AKAIN1: variants seen among roughly 807,000 people sequenced by gnomAD.
The protein encoded by AKAIN1 is A-kinase anchor protein inhibitor 1.
In AKAIN1, 3 loss-of-function variants were observed where a neutral mutation model predicts 3.7. The ratio of observed to expected loss-of-function variants is 0.82; its 90% CI spans 0.37 to 2.12. The LOEUF is 2.12. AKAIN1 is among the 30% of genes most tolerant of loss of function. The pLI is 0.06. For missense variants in AKAIN1, 82 were observed against 82.7 expected (o/e 0.99, Z 0.03); for synonymous variants, 31 against 30.8 (o/e 1.01, Z -0.02).
At chr18:5,195,494 C>G (rs1240114623) in intron 1 of AKAIN1, among the ~76,000 whole-genome samples, 2 of 152,158 alleles carry the variant, frequency 1.3e-5, no homozygotes, top group Non-Finnish European at 2.9e-5. Flanking sequence ...TACATCTGAC[C>G]TTGGACCAAA....
At chr18:5,178,211 G>A (rs1004267445) in intron 1 of AKAIN1, among the ~76,000 whole-genome samples, 1 of 152,074 alleles carries the variant, frequency 6.6e-6, no homozygotes, top group African/African-American at 2.4e-5. Flanking sequence ...GATATGCATG[G>A]TTTTGTGCAT....
At chr18:5,192,663 T>C (rs564589290) in intron 1 of AKAIN1, among the ~76,000 whole-genome samples, 4 of 152,192 alleles carry the variant, frequency 2.6e-5, no homozygotes, top group African/African-American at 9.6e-5. Flanking sequence ...TAAGCCATTC[T>C]ATCTACGGTA....
At chr18:5,163,458 A>G (rs1006851545) in intron 1 of AKAIN1, among the ~76,000 whole-genome samples, 1 of 152,072 alleles carries the variant, frequency 6.6e-6, no homozygotes, top group Admixed American at 6.6e-5. Context: ...ATAAGAAATA[A>G]CTTTTTGTTA....
chr18:5,162,338 A>G (rs1056279423), intron 1 of AKAIN1, among the ~76,000 whole-genome samples: 3 of 152,054 alleles, frequency 2.0e-5, no homozygotes, highest in Non-Finnish European at 4.4e-5. Context: ...GGAGGGTTGG[A>G]TCTGCTAGAG....
At chr18:5,156,456 T>C (rs2071109029) in intron 1 of AKAIN1, among the ~76,000 whole-genome samples, 1 of 152,186 alleles carries the variant, frequency 6.6e-6, no homozygotes, top group South Asian at 2.1e-4. Flanking sequence ...AGGGAGAATC[T>C]CAGGGGGCTA....
intron 1 of AKAIN1, among the ~76,000 whole-genome samples, chr18:5,160,977 C>A (rs186529350): frequency 2.0e-5 from 3 of 152,068 alleles, no homozygotes; most frequent in African/African-American, 4.8e-5. Context: ...TCTGGAACAG[C>A]AAGTCTCTCC....
chr18:5,158,991 C>T (rs1002040584), intron 1 of AKAIN1, among the ~76,000 whole-genome samples: 1 of 152,118 alleles, frequency 6.6e-6, no homozygotes, highest in Admixed American at 6.5e-5. Context: ...ATACAAAAAT[C>T]TTGCTCCAGC....
intron 1 of AKAIN1, among the ~76,000 whole-genome samples, chr18:5,170,495 C>T (rs1390498365): frequency 6.6e-6 from 1 of 152,132 alleles, no homozygotes; most frequent in East Asian, 1.9e-4. Context: ...TTTTGAGTCT[C>T]TGCTAAGCAA....
Position 5,167,288 on chromosome 18 carries a change from T to C in AKAIN1, c.17-21533A>G, listed in dbSNP as rs914006595. Among the ~76,000 whole-genome samples the C allele has an allele frequency of 9.2e-5, 14 of 152,218 alleles. No individual in the cohort carries two copies. The East Asian group carries it at 2.5e-3, about 27-fold the overall frequency. On this transcript the variant is annotated intron_variant, in intron 1 of 1. Transcript: ENST00000434239. ...GAATGGTGAAATGTGAAATGACCCCTACACATTCACATCCCAACCAGCAGG... is the reference window on the plus strand; with the variant it reads ...GAATGGTGAAATGTGAAATGACCCCCACACATTCACATCCCAACCAGCAGG...
intron 1 of AKAIN1, among the ~76,000 whole-genome samples, chr18:5,193,043 G>C (rs2071330588): frequency 6.6e-6 from 1 of 152,136 alleles, no homozygotes; most frequent in South Asian, 2.1e-4. Context: ...ATGACAGTCA[G>C]ATATATAATT....
intron 1 of AKAIN1, among the ~76,000 whole-genome samples, chr18:5,170,026 T>C (rs2071188868): frequency 1.3e-5 from 2 of 152,292 alleles, no homozygotes; most frequent in South Asian, 4.1e-4. Flanking sequence ...GCATGCCTTC[T>C]GTATTACTAA....
intron 1 of AKAIN1, among the ~76,000 whole-genome samples, chr18:5,148,598 G>A (rs945805721): frequency 6.6e-6 from 1 of 152,228 alleles, no homozygotes; most frequent in African/African-American, 2.4e-5. Flanking sequence ...ACTCACAGCT[G>A]TAATCCCAGC....
intron 1 of AKAIN1, among the ~76,000 whole-genome samples, chr18:5,169,101 G>C (rs1273729136): frequency 6.6e-6 from 1 of 152,014 alleles, no homozygotes; most frequent in Non-Finnish European, 1.5e-5. Context: ...GCAGTCTTGA[G>C]CCTGAATTCC....
At position 5,143,996 on chromosome 18, in the gene AKAIN1, T is replaced by G. The variant is rs1196296261; in HGVS notation, c.*1566A>C. On this transcript the variant is annotated 3_prime_UTR_variant, in exon 2 of 2. Coordinates refer to ENST00000434239, the MANE Select transcript of AKAIN1 (RefSeq NM_001145194.2). Reference sequence around the variant, plus strand: ...ATGCAATTATATCACATCAGTTATATGACTTTTGGTCGACTTAAACTCACT... The same window carrying G: ...ATGCAATTATATCACATCAGTTATAGGACTTTTGGTCGACTTAAACTCACT... 6.6e-6 allele frequency among the ~76,000 whole-genome samples: 1 copy of G among 152,256 alleles called. No homozygotes were observed. Among genetic ancestry groups the G allele is most frequent in the Non-Finnish European group, 1.5e-5 (1 of 68,052 alleles).
intron 1 of AKAIN1, among the ~76,000 whole-genome samples, chr18:5,158,764 CTG>C (rs1266124077): frequency 2.0e-5 from 3 of 152,306 alleles, no homozygotes; most frequent in Middle Eastern, 3.4e-3. Context: ...TGCCAACACT[CTG>C]AGGCTCTGTA....
rs184824127 is a variant in AKAIN1 at position 5,158,724 on chromosome 18, G to C, written c.17-12969C>G. ...CAAGCTTATAAACTTCCTGAACCCT[G>C]CACACATGGGTATGTATTGAACCAA... On this transcript the variant is annotated intron_variant, in intron 1 of 1. Coordinates refer to ENST00000434239, the MANE Select transcript of AKAIN1 (RefSeq NM_001145194.2). Among the ~76,000 whole-genome samples the C allele has an allele frequency of 1.8e-3, 273 of 152,228 alleles. 1 individual carries two copies. Among genetic ancestry groups the C allele is most frequent in the African/African-American group, 5.8e-3 (241 of 41,540 alleles).
upstream of AKAIN1, chr18:5,197,531 T>A (rs2071357176): frequency 3.0e-6 from 3 of 997,326 alleles, no homozygotes; most frequent in South Asian, 1.0e-4. This position sits in a 1 kb window ranked among gnomAD's most constrained non-coding sequence, Gnocchi z 6.9. Flanking sequence ...AAGAGCTTTC[T>A]TTACTCTCGA....
At chr18:5,149,016 C>T (rs926389479) in intron 1 of AKAIN1, among the ~76,000 whole-genome samples, 2 of 152,098 alleles carry the variant, frequency 1.3e-5, no homozygotes, top group Non-Finnish European at 2.9e-5. Flanking sequence ...AGGACAAATG[C>T]GAAACCCAGG....
chr18:5,195,109 TATG>T (rs1165302769), intron 1 of AKAIN1, among the ~76,000 whole-genome samples: 1 of 151,584 alleles, frequency 6.6e-6, no homozygotes, highest in Non-Finnish European at 1.5e-5. Context: ...CCCAAATGCT[TATG>T]ATTTTTCAAG....
Sources: allele counts gnomAD v4.1 joint callset (sites outside exome capture counted in the v4.1 genomes callset), GRCh38; gene constraint gnomAD v4.1.1; non-coding constraint Gnocchi (gnomAD v3.1); transcripts MANE v1.5; gene names NCBI Gene and HGNC (gene_info 2026-07-23, HGNC 2026-07-21).